Variants in HTR7 observed in about 807,000 individuals in gnomAD.
HTR7 encodes the protein 5-HT-7.
In HTR7, 16 loss-of-function variants were observed where a neutral mutation model predicts 34.0. The ratio of observed to expected loss-of-function variants is 0.47; its 90% CI spans 0.32 to 0.71. The LOEUF (loss-of-function observed/expected upper bound fraction) is 0.71, where lower values mean the gene tolerates loss of function less well. HTR7 is among the 30% of genes least tolerant of loss of function. The pLI is 0.04. For synonymous variants in HTR7, 265 were observed against 260.2 expected (o/e 1.02, Z -0.18); for missense variants, 504 against 625.5 (o/e 0.81, Z 2.07).
intron 1 of HTR7, among the ~76,000 whole-genome samples, chr10:90,824,704 G>A (rs917673471): frequency 1.3e-5 from 2 of 152,226 alleles, no homozygotes; most frequent in African/African-American, 4.8e-5. Context: ...AAGCTCCTGG[G>A]CCTTAAGTGA....
At chr10:90,788,555 A>C (rs1375800274) in intron 1 of HTR7, among the ~76,000 whole-genome samples, 2 of 152,222 alleles carry the variant, frequency 1.3e-5, no homozygotes, top group Non-Finnish European at 2.9e-5. Context: ...CCTAATCCCT[A>C]CAGCTACTGG....
At chr10:90,816,835 A>C (rs980768115) in intron 1 of HTR7, among the ~76,000 whole-genome samples, 2 of 152,206 alleles carry the variant, frequency 1.3e-5, no homozygotes, top group Non-Finnish European at 2.9e-5. Flanking sequence ...TGAAACTGTT[A>C]GGTCTGGTTT....
chr10:90,771,356 G>A (rs1419053224), intron 1 of HTR7, among the ~76,000 whole-genome samples: 1 of 152,198 alleles, frequency 6.6e-6, no homozygotes, highest in Non-Finnish European at 1.5e-5. Flanking sequence ...AAATGGCGAG[G>A]CTAAAAGAGC....
At chr10:90,772,870 ATAT>A (rs1443297934) in intron 1 of HTR7, among the ~76,000 whole-genome samples, 2 of 152,154 alleles carry the variant, frequency 1.3e-5, no homozygotes, top group Non-Finnish European at 2.9e-5. Flanking sequence ...AACCCTCTAG[ATAT>A]TATTATCATC....
At chr10:90,848,013 C>G (rs1846435346) in intron 1 of HTR7, among the ~76,000 whole-genome samples, 1 of 151,738 alleles carries the variant, frequency 6.6e-6, no homozygotes, top group Admixed American at 6.6e-5. Context: ...TAGAAGCATG[C>G]CGCTCTGATC....
chr10:90,840,653 G>A (rs1345000853), intron 1 of HTR7, among the ~76,000 whole-genome samples: 1 of 152,142 alleles, frequency 6.6e-6, no homozygotes, highest in Non-Finnish European at 1.5e-5. Flanking sequence ...TTCCTTACTA[G>A]AGAAGCATAA....
At chr10:90,775,444 CA>C (rs1187562137) in intron 1 of HTR7, among the ~76,000 whole-genome samples, 1 of 152,088 alleles carries the variant, frequency 6.6e-6, no homozygotes, top group Non-Finnish European at 1.5e-5. Flanking sequence ...ATCCTACATG[CA>C]AAGGCCCACA....
intron 1 of HTR7, among the ~76,000 whole-genome samples, chr10:90,794,382 C>T (rs1845506769): frequency 6.6e-6 from 1 of 152,184 alleles, no homozygotes; most frequent in South Asian, 2.1e-4. Flanking sequence ...AGAAGGAGTA[C>T]ACTCTAAAAT....
chr10:90,745,000 A>G (rs1844612138), intron 2 of HTR7, among the ~76,000 whole-genome samples: 1 of 152,148 alleles, frequency 6.6e-6, no homozygotes, highest in Non-Finnish European at 1.5e-5. Context: ...CTTCATAGAC[A>G]TGCTTGAGTT....
chr10:90,803,816 C>T (rs930821800), intron 1 of HTR7, among the ~76,000 whole-genome samples: 23 of 152,122 alleles, frequency 1.5e-4, no homozygotes, highest in African/African-American at 4.8e-4. Context: ...CATAATGGTA[C>T]GAACAGGAGG....
intron 1 of HTR7, among the ~76,000 whole-genome samples, chr10:90,768,222 C>A (rs1039952494): frequency 6.7e-6 from 1 of 149,754 alleles, no homozygotes; most frequent in East Asian, 2.0e-4. Flanking sequence ...CCATTGCCAT[C>A]ATTTAAGAAT....
At chr10:90,817,361 A>G (rs1191138346) in intron 1 of HTR7, among the ~76,000 whole-genome samples, 3 of 152,226 alleles carry the variant, frequency 2.0e-5, no homozygotes, top group African/African-American at 2.4e-5. Flanking sequence ...CTACTAGCTT[A>G]TCTTCACAGG....
chr10:90,751,547 A>C (rs1442946366), intron 1 of HTR7, among the ~76,000 whole-genome samples: 1 of 152,162 alleles, frequency 6.6e-6, no homozygotes, highest in Non-Finnish European at 1.5e-5. Context: ...CAAGGAGTGA[A>C]GTCCAGCAGG....
At chr10:90,831,531 A>C (rs1320219071) in intron 1 of HTR7, among the ~76,000 whole-genome samples, 2 of 152,248 alleles carry the variant, frequency 1.3e-5, no homozygotes, top group African/African-American at 4.8e-5. Context: ...TATTGCAAAA[A>C]GCAAAACACA....
In HTR7 at chr10:90,742,500, CT is replaced by C; in HGVS notation, c.1421del (p.Lys474ArgfsTer3). ...TCTGCTTTCAATCATGAATCATGAC[CT>C]TTTTTTCTACAGTAGTCAGCATTTT... ...ADKMLTTVEK[K>X]VMIHD On this transcript the variant is annotated frameshift_variant, in exon 4 of 4. Coordinates refer to ENST00000336152, the MANE Select transcript of HTR7 (RefSeq NM_019859.4). LOFTEE classifies it high-confidence loss of function. 12 of 1,599,330 alleles carry C rather than the reference CT, an allele frequency of 7.5e-6. No homozygotes were observed. The highest frequency in any genetic ancestry group is 3.3e-5 in the South Asian group (3 of 90,396).
intron 1 of HTR7, among the ~76,000 whole-genome samples, chr10:90,752,519 G>A (rs1188369671): frequency 3.3e-5 from 5 of 151,588 alleles, no homozygotes; most frequent in African/African-American, 1.2e-4. Context: ...GAATAAACTG[G>A]CATGGCTTTT....
intron 1 of HTR7, among the ~76,000 whole-genome samples, chr10:90,808,988 TC>T (rs1237046064): frequency 1.3e-5 from 2 of 152,062 alleles, no homozygotes; most frequent in African/African-American, 4.8e-5. Flanking sequence ...TAGTCTCTGT[TC>T]CCAATGCAAC....
In HTR7 at chr10:90,749,279, G is replaced by T; in HGVS notation, c.855C>A (p.Ser285Arg). The T allele has an allele frequency of 6.2e-7, 1 of 1,614,116 alleles. No individual in the cohort carries two copies. The highest frequency in any genetic ancestry group is 8.5e-7 in the Non-Finnish European group (1 of 1,180,000). ...TCACTATGCCATTCAGGGCGATGAC[G>T]CTGTCTGGCTCCACTCGAGGGAAGC... ...FPGFPRVEPD[S>R]VIALNGIVKL... is the part of the protein sequence containing the mutation. The change falls in exon 2 of 4, where the codon AGC (serine) becomes AGA (arginine). Residue 285 changes from serine to arginine, a missense_variant. This residue lies in a region of HTR7 where 57 missense variants were observed against 47.5 expected (regional missense o/e 1.20). Coordinates refer to ENST00000336152, the MANE Select transcript of HTR7 (RefSeq NM_019859.4). This position sits in a 1 kb window ranked among gnomAD's most constrained non-coding sequence, Gnocchi z 4.2.
intron 1 of HTR7, among the ~76,000 whole-genome samples, chr10:90,766,909 G>A (rs1404421989): frequency 6.6e-6 from 1 of 152,146 alleles, no homozygotes; most frequent in East Asian, 1.9e-4. Flanking sequence ...TGGTAGCATT[G>A]ACAGACAGAC....
Sources: allele counts gnomAD v4.1 joint callset (sites outside exome capture counted in the v4.1 genomes callset), GRCh38; gene constraint gnomAD v4.1.1; regional missense constraint gnomAD v4.1.1; non-coding constraint Gnocchi (gnomAD v3.1); transcripts MANE v1.5; gene names NCBI Gene and HGNC (gene_info 2026-07-23, HGNC 2026-07-21).